The following TC2N variants were observed in gnomAD, a reference collection of about 807,000 sequenced individuals.
TC2N encodes tandem C2 domains, nuclear, also known as tandem C2 domains nuclear protein.
A neutral mutation model predicts 61.9 loss-of-function variants in TC2N; 51 were observed. The ratio of observed to expected loss-of-function variants is 0.82; its 90% confidence interval spans 0.66 to 1.04. TC2N has a LOEUF of 1.04. TC2N is among the 50% of genes least tolerant of loss of function. The pLI is 0.00. For missense variants in TC2N, 556 were observed against 566.7 expected (o/e 0.98, Z 0.19); for synonymous variants, 204 against 192.6 (o/e 1.06, Z -0.49).
chr14:91,792,791 G>A (rs1250202836), intron 8 of TC2N, among the ~76,000 whole-genome samples: 2 of 152,042 alleles, frequency 1.3e-5, no homozygotes, highest in African/African-American at 4.8e-5. Context: ...AGGAATTCAG[G>A]TCATATTAAC....
At chr14:91,829,015 T>C (rs1029337060) in intron 1 of TC2N, among the ~76,000 whole-genome samples, 1 of 151,342 alleles carries the variant, frequency 6.6e-6, no homozygotes. Context: ...ACCATTGTTA[T>C]AAAGAAGGCA....
At chr14:91,847,429 G>T (rs1328348936) in intron 1 of TC2N, among the ~76,000 whole-genome samples, 3 of 152,160 alleles carry the variant, frequency 2.0e-5, no homozygotes, top group African/African-American at 4.8e-5. Context: ...CTATGTGATG[G>T]CCAATGCTAG....
chr14:91,863,878 C>A (rs1888643146), intron 1 of TC2N, among the ~76,000 whole-genome samples: 1 of 151,464 alleles, frequency 6.6e-6, no homozygotes, highest in African/African-American at 2.4e-5. Context: ...AGCTGTAGTC[C>A]CAGCTCCTCG....
At chr14:91,832,922 A>C (rs375095917) in intron 1 of TC2N, among the ~76,000 whole-genome samples, 6 of 152,240 alleles carry the variant, frequency 3.9e-5, no homozygotes, top group African/African-American at 1.4e-4. Context: ...AAACTACAAC[A>C]CATCAGCATG....
At chr14:91,796,502 G>C (rs1885902896) in intron 8 of TC2N, among the ~76,000 whole-genome samples, 1 of 152,034 alleles carries the variant, frequency 6.6e-6, no homozygotes, top group Non-Finnish European at 1.5e-5. Flanking sequence ...GAACTCATTT[G>C]GAAACAGGGT....
At chr14:91,861,233 A>G (rs1169439682) in intron 1 of TC2N, among the ~76,000 whole-genome samples, 1 of 152,244 alleles carries the variant, frequency 6.6e-6, no homozygotes, top group Non-Finnish European at 1.5e-5. Context: ...AACAGCCACA[A>G]GAAAGTACCA....
At chr14:91,862,017 T>C (rs1888600904) in intron 1 of TC2N, among the ~76,000 whole-genome samples, 2 of 151,618 alleles carry the variant, frequency 1.3e-5, no homozygotes, top group Non-Finnish European at 2.9e-5. Flanking sequence ...ATTTTGTAAT[T>C]TTAACTCATT....
At chr14:91,791,774 T>C (rs537503797) in intron 9 of TC2N, among the ~76,000 whole-genome samples, 1 of 152,240 alleles carries the variant, frequency 6.6e-6, no homozygotes, top group South Asian at 2.1e-4. Context: ...AAAAAGGTTA[T>C]TCATACTTCA....
At chr14:91,850,875 G>A (rs1469840001) in intron 1 of TC2N, among the ~76,000 whole-genome samples, 1 of 152,122 alleles carries the variant, frequency 6.6e-6, no homozygotes, top group Non-Finnish European at 1.5e-5. Context: ...AGGTTGCAGT[G>A]AGCCGATATT....
intron 1 of TC2N, among the ~76,000 whole-genome samples, chr14:91,834,122 A>G (rs1187277943): frequency 6.6e-6 from 1 of 152,202 alleles, no homozygotes; most frequent in Non-Finnish European, 1.5e-5. Flanking sequence ...GACATACGTA[A>G]AAGAACCGCA....
At chr14:91,803,230 A>T (rs1886343891) in intron 3 of TC2N, among the ~76,000 whole-genome samples, 1 of 152,040 alleles carries the variant, frequency 6.6e-6, no homozygotes, top group Non-Finnish European at 1.5e-5. Context: ...AATTAGTTCC[A>T]TGGGGATTGT....
At chr14:91,795,210 C>T (rs1885840226) in intron 8 of TC2N, among the ~76,000 whole-genome samples, 1 of 152,140 alleles carries the variant, frequency 6.6e-6, no homozygotes, top group Admixed American at 6.6e-5. Flanking sequence ...GAGATGGAAT[C>T]TACTCCTGGT....
chr14:91,854,737 C>T (rs912142412), intron 1 of TC2N, among the ~76,000 whole-genome samples: 2 of 152,150 alleles, frequency 1.3e-5, no homozygotes, highest in Non-Finnish European at 2.9e-5. Context: ...TCTAGACTAA[C>T]TGACAGACGG....
intron 1 of TC2N, among the ~76,000 whole-genome samples, chr14:91,822,714 C>CTTTT (rs35093902): frequency 2.4e-5 from 3 of 125,432 alleles, no homozygotes; most frequent in African/African-American, 6.0e-5. Context: ...TACTCATTAT[C>CTTTT]TTTTTTTTTT....
In TC2N at chr14:91,828,278, A is replaced by C. The variant is rs1208393730; in HGVS notation, c.-56-14453T>G. Among the ~76,000 whole-genome samples the C allele has an allele frequency of 2.0e-5, 3 of 152,132 alleles. No homozygotes were observed. The South Asian group carries it at 6.2e-4, about 31-fold the overall frequency. On this transcript the variant is annotated intron_variant, in intron 1 of 11. Coordinates refer to ENST00000435962, the MANE Select transcript of TC2N (RefSeq NM_001128596.3). The stretch of plus-strand genomic sequence containing the variant: ...CACATGGACACATTATCTAGCTTTA[A>C]TTATTATCAACTCATAGTCAAACTT...
At chr14:91,823,061 T>C (rs994435226) in intron 1 of TC2N, among the ~76,000 whole-genome samples, 3 of 152,084 alleles carry the variant, frequency 2.0e-5, no homozygotes, top group Admixed American at 6.5e-5. Flanking sequence ...GGTACATACA[T>C]ACATGAAAAC....
chr14:91,852,258 T>C (rs1371447293), intron 1 of TC2N, among the ~76,000 whole-genome samples: 1 of 152,152 alleles, frequency 6.6e-6, no homozygotes, highest in Non-Finnish European at 1.5e-5. Context: ...AGAAACCCCG[T>C]CTCTAGCTAA....
intron 1 of TC2N, among the ~76,000 whole-genome samples, chr14:91,858,226 C>T (rs1888523888): frequency 2.0e-5 from 3 of 147,960 alleles, no homozygotes; most frequent in African/African-American, 7.5e-5. Context: ...CCCCTGGCCT[C>T]AAGCAATTAC....
chr14:91,813,120 C>T (rs1886854887), intron 2 of TC2N, among the ~76,000 whole-genome samples: 1 of 151,640 alleles, frequency 6.6e-6, no homozygotes, highest in African/African-American at 2.4e-5. Flanking sequence ...CTCAAATATA[C>T]TATGAAGCTC....
Sources: allele counts gnomAD v4.1 joint callset (sites outside exome capture counted in the v4.1 genomes callset), GRCh38; gene constraint gnomAD v4.1.1; transcripts MANE v1.5; gene names NCBI Gene and HGNC (gene_info 2026-07-23, HGNC 2026-07-21).